The following RBPJ variants were observed in gnomAD, a reference collection of about 807,000 sequenced individuals.
RBPJ encodes the protein recombination signal binding protein for immunoglobulin kappa J region, also known as recombining binding protein suppressor of hairless.
RBPJ carries 9 observed loss-of-function variants against 67.8 expected under a neutral mutation model. That is an observed-to-expected ratio of 0.13 (90% CI 0.08 to 0.23). The LOEUF is 0.23. Ranked by LOEUF, RBPJ falls within the 10% of genes least tolerant of loss-of-function variation. The pLI is 1.00. For synonymous variants in RBPJ, 198 were observed against 203.3 expected, an observed-to-expected ratio of 0.97 and a Z score of 0.22; for missense variants, 305 against 595.6, an observed-to-expected ratio of 0.51 and a Z score of 5.08.
chr4:26,318,996 CAAAAAAAAAAAAA>C (rs201084739), upstream of RBPJ, among the ~76,000 whole-genome samples: 1 of 83,866 alleles, frequency 1.2e-5, no homozygotes, highest in Non-Finnish European at 2.7e-5. Flanking sequence ...GACTCCGTCT[CAAAAAAAAAAAAA>C]AAAAAAAAAA....
At chr4:26,252,796 T>C (rs1230279054) in intron 1 of RBPJ, among the ~76,000 whole-genome samples, 2 of 152,114 alleles carry the variant, frequency 1.3e-5, no homozygotes, top group African/African-American at 2.4e-5. Flanking sequence ...GAAAATCAGC[T>C]TTTGGATTCG....
At chr4:26,345,449 G>A (rs574092649) in intron 1 of RBPJ, among the ~76,000 whole-genome samples, 5 of 152,254 alleles carry the variant, frequency 3.3e-5, no homozygotes, top group South Asian at 2.1e-4. Flanking sequence ...CCCCAAAAGC[G>A]CCTACTGAGG....
Position 26,430,364 on chromosome 4 carries a change from A to G in RBPJ, c.1045-55A>G. On this transcript the variant is annotated intron_variant, in intron 9 of 10. Transcript: ENST00000355476. The surrounding 1 kb of genome is among the most constrained non-coding windows in gnomAD (Gnocchi z 4.1). ...AGTTGAATGAGAATCTAATTTGTGT[A>G]CTTTAATGAAAAATGAAAAGTTTTC... 1 of 1,365,576 alleles carries G rather than the reference A, an allele frequency of 7.3e-7. No individual in the cohort carries two copies. Among genetic ancestry groups the G allele is most frequent in the Non-Finnish European group, 1.0e-6 (1 of 959,132 alleles). The allele number at this position is 1,365,576 out of a possible 1,614,324, so 84.6% of individuals were successfully genotyped here.
At chr4:26,142,015 T>C in the RBPJ span, among the ~76,000 whole-genome samples, 1 of 152,254 alleles carries the variant, frequency 6.6e-6, no homozygotes, top group Non-Finnish European at 1.5e-5. Context: ...GCTTTGCAGT[T>C]CATCAAAGTT....
intron 1 of RBPJ, among the ~76,000 whole-genome samples, chr4:26,283,445 T>C (rs894655533): frequency 6.0e-5 from 9 of 150,704 alleles, no homozygotes; most frequent in Non-Finnish European, 8.9e-5. Flanking sequence ...CTCTGGAGGC[T>C]GAGGCAGAAG....
rs1340107713 is a variant in RBPJ, at chr4:26,391,841, AGT to A, written c.59+5453_59+5454del. Among the ~76,000 whole-genome samples the A allele has an allele frequency of 1.5e-4, 23 of 152,340 alleles. No individual in the cohort carries two copies. In the South Asian group the frequency reaches 4.6e-3, roughly 30 times the overall value. On this transcript the variant is annotated intron_variant, in intron 2 of 10. Coordinates refer to ENST00000355476, the MANE Select transcript of RBPJ (RefSeq NM_015874.6). ...GTTAGTCCCACTGGTTTGCTATAAT[AGT>A]GTACCATTAACTGGGTGGCTTATAA...
chr4:26,362,500 C>T, intron 1 of RBPJ: 1 of 1,531,806 alleles, frequency 6.5e-7, no homozygotes, highest in Non-Finnish European at 8.8e-7. Context: ...TCTTCGGAAC[C>T]ATTATGATCT....
intron 1 of RBPJ, among the ~76,000 whole-genome samples, chr4:26,349,132 C>A (rs1292259961): frequency 1.3e-5 from 2 of 151,016 alleles, no homozygotes; most frequent in Non-Finnish European, 3.0e-5. Flanking sequence ...CAGTGGCGTT[C>A]TCACAGCTCA....
rs775275819 is a variant in RBPJ, at chr4:26,426,369, G to A, written c.747+1626G>A. ...TACAGTTGTTTGTAAAGTACCAGTAGCCTGCCTTGCTTGAAAGTCATTAAT... is the reference window on the plus strand; with the variant it reads ...TACAGTTGTTTGTAAAGTACCAGTAACCTGCCTTGCTTGAAAGTCATTAAT... On this transcript the variant is annotated intron_variant, in intron 7 of 10. Coordinates refer to ENST00000355476, the MANE Select transcript of RBPJ (RefSeq NM_015874.6). 1.2e-3 allele frequency among the ~76,000 whole-genome samples: 178 copies of A among 152,308 alleles called. 1 individual carries two copies. The highest frequency in any genetic ancestry group is 9.1e-4 in the Non-Finnish European group (62 of 68,020).
intron 1 of RBPJ, among the ~76,000 whole-genome samples, chr4:26,289,051 A>G (rs2109284547): frequency 6.6e-6 from 1 of 151,090 alleles, no homozygotes; most frequent in Admixed American, 6.6e-5. Context: ...TGTTTAACTT[A>G]CATACTTCCA....
chr4:26,341,522 A>T (rs912434581), intron 1 of RBPJ, among the ~76,000 whole-genome samples: 3 of 152,112 alleles, frequency 2.0e-5, no homozygotes, highest in Admixed American at 2.0e-4. Context: ...GCTGAGACAG[A>T]AGAATCACTT....
intron 1 of RBPJ, among the ~76,000 whole-genome samples, chr4:26,255,378 T>C (rs1267223133): frequency 2.2e-5 from 2 of 89,246 alleles, no homozygotes; most frequent in East Asian, 3.2e-4. Context: ...CACTCCAGCC[T>C]GGGCGACAGA....
At chr4:26,406,733 A>G (rs1275835091) in intron 3 of RBPJ, among the ~76,000 whole-genome samples, 1 of 152,230 alleles carries the variant, frequency 6.6e-6, no homozygotes, top group African/African-American at 2.4e-5. Flanking sequence ...TGCAAGGGAG[A>G]ACAAAGAAGA....
rs1736499061 is a variant in RBPJ, at chr4:26,434,477, ATGTG to A, written c.*3474_*3477del. 1 of 152,240 alleles carries A rather than the reference ATGTG, an allele frequency of 6.6e-6. No homozygotes were observed. The highest frequency in any genetic ancestry group is 2.4e-5 in the African/African-American group (1 of 41,468). The allele number at this position is 152,240 out of a possible 1,614,324, so 9.4% of individuals were successfully genotyped here. Reference sequence around the variant, plus strand: ...TGTGTTTCTGATAAGTACTGAACAAATGTGTGTAATTTTCTGTGCCAGACTTATG... The same window carrying A: ...TGTGTTTCTGATAAGTACTGAACAAATGTAATTTTCTGTGCCAGACTTATG... On this transcript the variant is annotated 3_prime_UTR_variant, in exon 11 of 11. Transcript: ENST00000355476.
chr4:26,302,504 C>T (rs867886487), intron 1 of RBPJ, among the ~76,000 whole-genome samples: 1 of 152,182 alleles, frequency 6.6e-6, no homozygotes, highest in Non-Finnish European at 1.5e-5. Flanking sequence ...CTCCAGGTAA[C>T]ATCAGCATGC....
chr4:26,343,491 T>A (rs942780763), intron 1 of RBPJ, among the ~76,000 whole-genome samples: 1 of 152,152 alleles, frequency 6.6e-6, no homozygotes, highest in African/African-American at 2.4e-5. Context: ...ATATGAATAG[T>A]TTAAGGCATA....
At chr4:26,316,913 A>G (rs997026690), upstream of RBPJ, among the ~76,000 whole-genome samples, 1 of 130,222 alleles carries the variant, frequency 7.7e-6, no homozygotes, top group African/African-American at 3.0e-5. Context: ...TAGGCAGGCT[A>G]GTACTCACTG....
intron 1 of RBPJ, among the ~76,000 whole-genome samples, chr4:26,271,747 C>A (rs1577377029): frequency 6.6e-6 from 1 of 152,128 alleles, no homozygotes; most frequent in Non-Finnish European, 1.5e-5. Flanking sequence ...TCATCTAAGA[C>A]CTCGCCTTCT....
At chr4:26,383,538 T>G (rs1419798016) in intron 1 of RBPJ, among the ~76,000 whole-genome samples, 3 of 152,242 alleles carry the variant, frequency 2.0e-5, no homozygotes, top group African/African-American at 7.2e-5. Flanking sequence ...TGGTCATACC[T>G]CACTTTGCCT....
Sources: gnomAD v4.1 joint callset for allele counts (sites outside exome capture counted in the v4.1 genomes callset) on GRCh38, gnomAD v4.1.1 for gene constraint, Gnocchi (gnomAD v3.1) non-coding constraint, MANE v1.5 for transcripts, NCBI Gene and HGNC (gene_info 2026-07-23, HGNC 2026-07-21) for gene names.